TTC23: variants seen among roughly 807,000 people sequenced by gnomAD.
The protein encoded by TTC23 is tetratricopeptide repeat protein 23.
A neutral mutation model predicts 55.1 loss-of-function variants in TTC23; 58 were observed. The ratio of observed to expected loss-of-function variants is 1.05; its 90% CI spans 0.85 to 1.31. The LOEUF (loss-of-function observed/expected upper bound fraction) is 1.31. Ranked by LOEUF, TTC23 falls within the 50% of genes most tolerant of loss-of-function variation. The pLI is 0.00. For synonymous variants in TTC23, 203 were observed against 199.9 expected (o/e 1.02, Z -0.13); for missense variants, 516 against 534.4 (o/e 0.97, Z 0.34).
intron 9 of TTC23, among the ~76,000 whole-genome samples, chr15:99,182,658 T>C (rs961130394): frequency 3.9e-5 from 6 of 152,186 alleles, no homozygotes; most frequent in African/African-American, 1.4e-4. Context: ...TCCTAATGTA[T>C]ACTCATCTGT....
chr15:99,241,074 T>C (rs1308047648), intron 3 of TTC23, among the ~76,000 whole-genome samples: 1 of 152,178 alleles, frequency 6.6e-6, no homozygotes, highest in African/African-American at 2.4e-5. Context: ...CCCACCACTT[T>C]GAGAGGCTAA....
chr15:99,224,049 AT>A (rs2078180141), intron 5 of TTC23, among the ~76,000 whole-genome samples: 1 of 152,200 alleles, frequency 6.6e-6, no homozygotes, highest in Non-Finnish European at 1.5e-5. Flanking sequence ...TCCTACATGC[AT>A]TGGAAATACC....
intron 12 of TTC23, among the ~76,000 whole-genome samples, chr15:99,154,376 G>C (rs2070255861): frequency 6.6e-6 from 1 of 152,200 alleles, no homozygotes; most frequent in Non-Finnish European, 1.5e-5. Context: ...AATCCAAAAT[G>C]CAACACCGTT....
chr15:99,202,274 T>C (rs1204364487), intron 8 of TTC23, among the ~76,000 whole-genome samples: 2 of 152,200 alleles, frequency 1.3e-5, no homozygotes, highest in African/African-American at 2.4e-5. Context: ...CAGGGATATT[T>C]GAGAGAAGGA....
At chr15:99,233,899 T>C (rs1374952875) in intron 4 of TTC23, among the ~76,000 whole-genome samples, 1 of 152,166 alleles carries the variant, frequency 6.6e-6, no homozygotes, top group Non-Finnish European at 1.5e-5. Context: ...AACTGATTCC[T>C]GACAAATATG....
At chr15:99,201,888 A>G (rs913482368) in intron 8 of TTC23, among the ~76,000 whole-genome samples, 1 of 152,218 alleles carries the variant, frequency 6.6e-6, no homozygotes, top group Non-Finnish European at 1.5e-5. Context: ...AGAAAGTCTC[A>G]GAAACATATG....
Position 99,137,392 on chromosome 15 carries a change from C to T in TTC23, c.*618G>A, listed in dbSNP as rs1024312301. On this transcript the variant is annotated 3_prime_UTR_variant, in exon 14 of 14. Transcript: ENST00000394132. ...AGCCTCCGGCTAGCCTTTCTTTTCA[C>T]TCCCTTACACCTGCCTCCTGGGCCC... 6.6e-6 allele frequency: 1 copy of T among 152,296 alleles called. No individual in the cohort carries two copies. Among genetic ancestry groups the T allele is most frequent in the South Asian group, 2.1e-4 (1 of 4,834 alleles). The allele number at this position is 152,296 out of a possible 1,614,324, so 9.4% of individuals were successfully genotyped here.
chr15:99,244,525 T>C (rs1378153379), intron 2 of TTC23, among the ~76,000 whole-genome samples: 3 of 152,046 alleles, frequency 2.0e-5, no homozygotes, highest in Admixed American at 1.3e-4. Context: ...AAAATAAAAT[T>C]AAGAAAACAC....
chr15:99,241,432 T>G lies in TTC23; in HGVS notation c.-181A>C, dbSNP rs930812963. On this transcript the variant is annotated 5_prime_UTR_variant, in exon 3 of 14. The change abolishes an upstream ATG in the 5' untranslated region. Coordinates refer to ENST00000394132, the MANE Select transcript of TTC23 (RefSeq NM_001288615.3). ...GCTATAGCTGGGGCTTAAAATTTCA[T>G]CAGACATCAGCCCAGGTCCCACAAA... 1 of 152,348 alleles carries G rather than the reference T, an allele frequency of 6.6e-6. No individual in the cohort carries two copies. The highest frequency in any genetic ancestry group is 2.4e-5 in the African/African-American group (1 of 41,460). The allele number at this position is 152,348 out of a possible 1,614,324, so 9.4% of individuals were successfully genotyped here. A position where few individuals can be genotyped will look rare whatever the true frequency, so the allele number is the denominator to read the frequency against.
chr15:99,182,248 TCACACA>T (rs56223763), intron 9 of TTC23, among the ~76,000 whole-genome samples: 1,498 of 108,598 alleles, frequency 0.014, 28 homozygotes, highest in African/African-American at 0.036. Context: ...TCTCTCTCTC[TCACACA>T]CACACACACA....
At chr15:99,179,890 G>C (rs939881255) in intron 9 of TTC23, among the ~76,000 whole-genome samples, 1 of 152,220 alleles carries the variant, frequency 6.6e-6, no homozygotes, top group Non-Finnish European at 1.5e-5. Context: ...TGCAAAGGAC[G>C]TTGACAATGC....
intron 9 of TTC23, among the ~76,000 whole-genome samples, chr15:99,176,349 C>A (rs1292526834): frequency 6.6e-6 from 1 of 152,150 alleles, no homozygotes; most frequent in Non-Finnish European, 1.5e-5. Context: ...TGGTGGCTCA[C>A]AACTGTACTC....
chr15:99,152,996 G>A (rs1352471496), intron 12 of TTC23, among the ~76,000 whole-genome samples: 2 of 152,068 alleles, frequency 1.3e-5, no homozygotes, highest in Admixed American at 6.6e-5. Context: ...ACAGGGTTTC[G>A]CTGTGTTGGC....
At chr15:99,207,565 G>A (rs1034114926) in intron 8 of TTC23, among the ~76,000 whole-genome samples, 1 of 152,158 alleles carries the variant, frequency 6.6e-6, no homozygotes, top group Non-Finnish European at 1.5e-5. Context: ...TTCAAGACCA[G>A]CCTGGCCACG....
chr15:99,242,491 A>G (rs1370432779), intron 2 of TTC23, among the ~76,000 whole-genome samples: 2 of 152,224 alleles, frequency 1.3e-5, no homozygotes, highest in African/African-American at 2.4e-5. Context: ...CACTTGTTCT[A>G]TGAGGTCAGT....
chr15:99,181,048 T>C lies in TTC23; in HGVS notation c.760-5893A>G, dbSNP rs573421191. 6.6e-5 allele frequency among the ~76,000 whole-genome samples: 10 copies of C among 152,264 alleles called. No homozygotes were observed. The East Asian group carries it at 1.5e-3, about 23-fold the overall frequency. On this transcript the variant is annotated intron_variant, in intron 9 of 13. Coordinates refer to ENST00000394132, the MANE Select transcript of TTC23 (RefSeq NM_001288615.3). ...AGTTCACTCAGTCTCAAAATGACCA[T>C]TGAAAGTGATGTGAACAGCCCAATT...
At chr15:99,208,796 C>G (rs2076820857) in intron 8 of TTC23, among the ~76,000 whole-genome samples, 1 of 152,130 alleles carries the variant, frequency 6.6e-6, no homozygotes, top group Non-Finnish European at 1.5e-5. Context: ...GTCTTACATC[C>G]ATCTACAACT....
intron 12 of TTC23, among the ~76,000 whole-genome samples, chr15:99,145,924 C>T (rs956615654): frequency 2.6e-5 from 4 of 152,186 alleles, no homozygotes; most frequent in South Asian, 2.1e-4. Flanking sequence ...CTCCTCAGAG[C>T]GGACTCTTTC....
chr15:99,223,053 C>G (rs1256914648), intron 5 of TTC23, among the ~76,000 whole-genome samples: 1 of 152,202 alleles, frequency 6.6e-6, no homozygotes, highest in East Asian at 1.9e-4. Flanking sequence ...TCCTTCCATT[C>G]AGAGATGGGG....
Sources: gnomAD v4.1 joint callset for allele counts (sites outside exome capture counted in the v4.1 genomes callset) on GRCh38, gnomAD v4.1.1 for gene constraint, MANE v1.5 for transcripts, NCBI Gene and HGNC (gene_info 2026-07-23, HGNC 2026-07-21) for gene names.